Variants in RBMS2 observed in about 807,000 individuals in gnomAD.
The protein encoded by RBMS2 is RNA binding motif single stranded interacting protein 2, also known as RNA-binding motif, single-stranded-interacting protein 2.
In RBMS2, 38 loss-of-function variants were observed where a neutral mutation model predicts 58.4. The observed-to-expected ratio is 0.65, with a 90% CI of 0.50 to 0.85. The LOEUF (loss-of-function observed/expected upper bound fraction) is 0.85, where lower values mean the gene tolerates loss of function less well. Among genes scored for constraint, RBMS2 ranks in the 40% least tolerant of loss-of-function variants. The pLI, the probability that RBMS2 is intolerant of heterozygous loss-of-function variation, is 0.00. For missense variants in RBMS2, 367 were observed against 503.7 expected (o/e 0.73, Z 2.60); for synonymous variants, 151 against 180.7 (o/e 0.84, Z 1.32).
chr12:56,558,391 A>G (rs988096386), intron 1 of RBMS2, among the ~76,000 whole-genome samples: 1 of 147,198 alleles, frequency 6.8e-6, no homozygotes. Flanking sequence ...TCTTGTTTGG[A>G]CAGTCCTGGC....
At chr12:56,556,733 ATTT>A in intron 1 of RBMS2, among the ~76,000 whole-genome samples, 1 of 152,124 alleles carries the variant, frequency 6.6e-6, no homozygotes, top group Non-Finnish European at 1.5e-5. Context: ...TCTGAACTAT[ATTT>A]AAGGCCAAAA....
intron 5 of RBMS2, among the ~76,000 whole-genome samples, chr12:56,573,476 C>CAAA (rs71081382): frequency 3.0e-3 from 178 of 59,608 alleles, no homozygotes; most frequent in Middle Eastern, 0.014. Context: ...GACGCCATCT[C>CAAA]AAAAAAAAAA....
At chr12:56,556,934 C>G (rs1402338561) in intron 1 of RBMS2, among the ~76,000 whole-genome samples, 1 of 152,068 alleles carries the variant, frequency 6.6e-6, no homozygotes, top group Non-Finnish European at 1.5e-5. Context: ...AATTTTCTGC[C>G]TTTATGGAGC....
chr12:56,581,900 G>A, intron 8 of RBMS2, 21 bp downstream of exon 8: 1 of 1,612,600 alleles, frequency 6.2e-7, no homozygotes, highest in Non-Finnish European at 8.5e-7. Context: ...ATATAATCAA[G>A]CCACCTGAAA....
chr12:56,564,946 A>T (rs190252145), intron 2 of RBMS2, among the ~76,000 whole-genome samples: 3 of 152,250 alleles, frequency 2.0e-5, no homozygotes, highest in Non-Finnish European at 4.4e-5. Context: ...CAGAAAGCAG[A>T]GGTTGTAGTG....
In RBMS2 at chr12:56,590,434, T is replaced by A. The variant is rs1195051784; in HGVS notation, c.*1301T>A. 6.6e-6 allele frequency: 1 copy of A among 152,212 alleles called. No individual in the cohort carries two copies. Among genetic ancestry groups the A allele is most frequent in the Admixed American group, 6.5e-5 (1 of 15,280 alleles). 9.4% of individuals were successfully genotyped at this position (152,212 alleles called of 1,614,324 possible). ...GGATGTGTGTGCTACTGGCATCTAG[T>A]GGCTGCTAAACATCCTACACTGCAT... On this transcript the variant is annotated 3_prime_UTR_variant, in exon 14 of 14. Coordinates refer to ENST00000262031, the MANE Select transcript of RBMS2 (RefSeq NM_002898.4).
upstream of RBMS2, among the ~76,000 whole-genome samples, chr12:56,520,634 G>A (rs1871638781): frequency 6.6e-6 from 1 of 152,022 alleles, no homozygotes; most frequent in South Asian, 2.1e-4. Context: ...AACTAGTAGA[G>A]GTAAGTGTTG....
At chr12:56,545,406 TG>T (rs2136320052) in intron 1 of RBMS2, among the ~76,000 whole-genome samples, 1 of 152,306 alleles carries the variant, frequency 6.6e-6, no homozygotes, top group African/African-American at 2.4e-5. Flanking sequence ...ACAGCTCTAT[TG>T]AGATATAATT....
intron 1 of RBMS2, among the ~76,000 whole-genome samples, chr12:56,558,691 G>C (rs2136393736): frequency 6.8e-6 from 1 of 147,000 alleles, no homozygotes; most frequent in South Asian, 2.2e-4. Flanking sequence ...TGCCTTCCAG[G>C]CTCAAGTGAT....
At chr12:56,526,829 C>T (rs985001184) in intron 1 of RBMS2, among the ~76,000 whole-genome samples, 29 of 152,034 alleles carry the variant, frequency 1.9e-4, no homozygotes, top group African/African-American at 7.0e-4. Flanking sequence ...AGGGCCTAAC[C>T]ACGCCTTTCT....
At chr12:56,526,820 G>A (rs1348578652) in intron 1 of RBMS2, among the ~76,000 whole-genome samples, 2 of 152,038 alleles carry the variant, frequency 1.3e-5, no homozygotes, top group Non-Finnish European at 2.9e-5. Flanking sequence ...AACTTGTAAA[G>A]GGCCTAACCA....
chr12:56,560,875 A>G, intron 1 of RBMS2, among the ~76,000 whole-genome samples: 1 of 152,216 alleles, frequency 6.6e-6, no homozygotes, highest in South Asian at 2.1e-4. Context: ...ATTAAGCCTC[A>G]TGACCTATTA....
intron 1 of RBMS2, among the ~76,000 whole-genome samples, chr12:56,549,743 C>A (rs781450058): frequency 2.0e-5 from 3 of 152,100 alleles, no homozygotes; most frequent in South Asian, 4.1e-4. Flanking sequence ...AATGAAGAGC[C>A]AGGCAAGGTG....
At position 56,532,921 on chromosome 12, in the gene RBMS2, TTTTTATTTTA is replaced by T. The variant is rs148516758; in HGVS notation, c.66+10852_66+10861del. The stretch of plus-strand genomic sequence containing the variant: ...AATTCTGTATTTATTACTCTCTTGC[TTTTTATTTTA>T]TTTTATTTTATTTTATTTTTTGAGA... On this transcript the variant is annotated intron_variant, in intron 1 of 13. Coordinates refer to ENST00000262031, the MANE Select transcript of RBMS2 (RefSeq NM_002898.4). 1.2e-3 allele frequency among the ~76,000 whole-genome samples: 186 copies of T among 150,334 alleles called. 1 individual carries two copies. The highest frequency in any genetic ancestry group is 4.1e-3 in the African/African-American group (168 of 41,188).
At chr12:56,531,264 C>T (rs1190816287) in intron 1 of RBMS2, among the ~76,000 whole-genome samples, 2 of 151,818 alleles carry the variant, frequency 1.3e-5, no homozygotes, top group Non-Finnish European at 2.9e-5. Flanking sequence ...TTAGGCCTAT[C>T]TAGTAGATAC....
At chr12:56,521,672 G>A (rs1379507555), upstream of RBMS2, among the ~76,000 whole-genome samples, 1 of 151,272 alleles carries the variant, frequency 6.6e-6, no homozygotes, top group Non-Finnish European at 1.5e-5. Flanking sequence ...AATTTGAAAG[G>A]GGTTAGACCT....
intron 2 of RBMS2, among the ~76,000 whole-genome samples, chr12:56,563,502 A>T (rs895140196): frequency 6.6e-6 from 1 of 152,232 alleles, no homozygotes; most frequent in Non-Finnish European, 1.5e-5. Flanking sequence ...TATCTACCCC[A>T]TGAAGACCCT....
intron 1 of RBMS2, among the ~76,000 whole-genome samples, chr12:56,553,481 C>G (rs1050458640): frequency 2.0e-5 from 3 of 151,950 alleles, no homozygotes; most frequent in Non-Finnish European, 4.4e-5. Flanking sequence ...GCGCACACCA[C>G]CAAGTCCGGC....
chr12:56,581,395 G>A lies in RBMS2; in HGVS notation c.623-4G>A. 6.2e-7 allele frequency: 1 copy of A among 1,614,102 alleles called. No homozygotes were observed. The highest frequency in any genetic ancestry group is 1.1e-5 in the South Asian group (1 of 91,070). On this transcript the variant is annotated splice_region_variant and splice_polypyrimidine_tract_variant and intron_variant, in intron 6 of 13. Transcript: ENST00000262031. ...AGCTGCCCATCTGCCTTCTCTCTCG[G>A]CAGCCCCATCCGATCCCTTGCTTTG...
Sources: allele counts gnomAD v4.1 joint callset (sites outside exome capture counted in the v4.1 genomes callset), GRCh38; gene constraint gnomAD v4.1.1; transcripts MANE v1.5; gene names NCBI Gene and HGNC (gene_info 2026-07-23, HGNC 2026-07-21).